The following CEBPZOS variants were observed in gnomAD, a reference collection of about 807,000 sequenced individuals.
The protein encoded by CEBPZOS is protein CEBPZOS.
In CEBPZOS, 10 loss-of-function variants were observed where a neutral mutation model predicts 4.8. The ratio of observed to expected loss-of-function variants is 2.07; its 90% CI spans 1.28 to 3.52. CEBPZOS has a LOEUF of 3.52. Among genes scored for constraint, CEBPZOS ranks in the 30% most tolerant of loss-of-function variants. CEBPZOS has a pLI of 0.00. For synonymous variants in CEBPZOS, 25 were observed against 14.2 expected, an observed-to-expected ratio of 1.77 and a Z score of -1.72; for missense variants, 98 against 43.6, an observed-to-expected ratio of 2.25 and a Z score of -3.51.
chr2:37,197,076 G>C (rs192776024), intron 1 of CEBPZOS, among the ~76,000 whole-genome samples: 1 of 152,278 alleles, frequency 6.6e-6, no homozygotes, highest in East Asian at 1.9e-4. Context: ...TCTCAGCCCC[G>C]TGTGATGTTA....
chr2:37,199,295 G>T (rs1677095813), intron 1 of CEBPZOS, among the ~76,000 whole-genome samples: 1 of 152,152 alleles, frequency 6.6e-6, no homozygotes, highest in South Asian at 2.1e-4. Flanking sequence ...ACTTGAGAAA[G>T]ATCTTACTTT....
chr2:37,202,846 T>C lies in CEBPZOS; in HGVS notation c.*986T>C. 6.2e-7 allele frequency: 1 copy of C among 1,602,572 alleles called. No individual in the cohort carries two copies. Among genetic ancestry groups the C allele is most frequent in the South Asian group, 1.1e-5 (1 of 88,582 alleles). On this transcript the variant is annotated 3_prime_UTR_variant, in exon 5 of 5. Coordinates refer to ENST00000402297, the MANE Select transcript of CEBPZOS (RefSeq NM_001322374.2). ...GTTATCAAACTTGGATCCCATATTT[T>C]CATCCAATAGATGGCCAAACTTTTA...
chr2:37,199,913 T>C, intron 2 of CEBPZOS, 94 bp downstream of exon 2: 2 of 642,528 alleles, frequency 3.1e-6, no homozygotes, highest in Non-Finnish European at 5.7e-6. Flanking sequence ...TTGGAGAAAT[T>C]GGTTCTTCAG....
At chr2:37,212,649 G>A (rs1332061659) in intron 4 of CEBPZOS, 1 of 486,858 alleles carries the variant, frequency 2.1e-6, no homozygotes, top group African/African-American at 2.0e-5. Context: ...ATGGAAAGAG[G>A]ATAAATATCA....
At position 37,202,292 on chromosome 2, in the gene CEBPZOS, T is replaced by C. The variant is rs1198401488; in HGVS notation, c.*432T>C. On this transcript the variant is annotated 3_prime_UTR_variant, in exon 5 of 5. Coordinates refer to ENST00000402297, the MANE Select transcript of CEBPZOS (RefSeq NM_001322374.2). ...TACTTGTTAATCTTACATGTTCTCC[T>C]GAGAGAAGAAAAAGCCATTCCTTTC... 1 of 161,412 alleles carries C rather than the reference T, an allele frequency of 6.2e-6. No homozygotes were observed. The highest frequency in any genetic ancestry group is 1.3e-5 in the Non-Finnish European group (1 of 74,982). The allele number at this position is 161,412 out of a possible 1,614,324, so 10.0% of individuals were successfully genotyped here. A position where few individuals can be genotyped will look rare whatever the true frequency, so the allele number is the denominator to read the frequency against.
intron 4 of CEBPZOS, chr2:37,211,977 C>T: frequency 2.5e-6 from 4 of 1,613,310 alleles, no homozygotes; most frequent in Non-Finnish European, 3.4e-6. Context: ...TTCATCATCA[C>T]TACCTTCTGA....
In CEBPZOS at chr2:37,201,314, A is replaced by G. The variant is rs1369320978; in HGVS notation, c.160+222A>G. On this transcript the variant is annotated intron_variant, in intron 3 of 4. Transcript: ENST00000402297. ...AAGAATGTAAACTCTGGAATCATTCATATATGAGGTGATAGAATCAAACCA... is the reference window on the plus strand; with the variant it reads ...AAGAATGTAAACTCTGGAATCATTCGTATATGAGGTGATAGAATCAAACCA... 1.3e-5 allele frequency: 7 copies of G among 524,002 alleles called. No homozygotes were observed. In the African/African-American group the frequency reaches 1.4e-4, roughly 10 times the overall value. The allele number at this position is 524,002 out of a possible 1,614,324, so 32.5% of individuals were successfully genotyped here.
At chr2:37,201,582 C>T (rs1227733109) in intron 3 of CEBPZOS, 60 bp from the exon 4 acceptor site, 3 of 656,992 alleles carry the variant, frequency 4.6e-6, no homozygotes, top group Middle Eastern at 3.6e-4. Flanking sequence ...TTTTTCAATA[C>T]ATTTAATTTT....
At chr2:37,211,543 C>G (rs1051208039) in intron 4 of CEBPZOS, 1 of 302,288 alleles carries the variant, frequency 3.3e-6, no homozygotes, top group Non-Finnish European at 6.1e-6. Context: ...CTTTTATAAA[C>G]TGCTAATTAC....
downstream of CEBPZOS, among the ~76,000 whole-genome samples, chr2:37,206,117 AAAAC>A (rs925790084): frequency 4.6e-5 from 7 of 152,224 alleles, no homozygotes; most frequent in African/African-American, 1.7e-4. Flanking sequence ...TGGAGAGAAC[AAAAC>A]AAAGAGGCAA....
intron 4 of CEBPZOS, chr2:37,211,662 T>C (rs1180780102): frequency 3.8e-6 from 2 of 526,680 alleles, no homozygotes; most frequent in Non-Finnish European, 6.5e-6. Flanking sequence ...AAAACACACA[T>C]AACACACAAT....
intron 4 of CEBPZOS, among the ~76,000 whole-genome samples, chr2:37,212,896 G>A (rs1677771562): frequency 1.4e-5 from 2 of 148,014 alleles, no homozygotes; most frequent in African/African-American, 2.5e-5. Flanking sequence ...AAAACGAGCC[G>A]GACATCATGG....
At chr2:37,215,426 C>T (rs186747315), downstream of CEBPZOS, 1 of 152,342 alleles carries the variant, frequency 6.6e-6, no homozygotes, top group Non-Finnish European at 1.5e-5. Context: ...TAAGGAACTA[C>T]AAGAAATCAG....
At chr2:37,213,641 T>A in exon 5 of CEBPZOS, 2 of 411,530 alleles carry the variant, frequency 4.9e-6, no homozygotes, top group Non-Finnish European at 8.7e-6. Flanking sequence ...CTCGAACTCC[T>A]GACCTCAAAC....
At chr2:37,211,553 C>T in intron 4 of CEBPZOS, 1 of 319,834 alleles carries the variant, frequency 3.1e-6, no homozygotes, top group Non-Finnish European at 5.7e-6. Flanking sequence ...CTGCTAATTA[C>T]TATCAAAAAA....
At position 37,201,989 on chromosome 2, in the gene CEBPZOS, C is replaced by A; in HGVS notation, c.*129C>A. On this transcript the variant is annotated 3_prime_UTR_variant, in exon 5 of 5. Transcript: ENST00000402297. ...AGAACATGCTGCTGAGTCACAGGAA[C>A]TTCTAGCCTGCCTTGGCCTGTGGTT... 7.6e-7 allele frequency: 1 copy of A among 1,318,808 alleles called. No homozygotes were observed. Among genetic ancestry groups the A allele is most frequent in the Non-Finnish European group, 1.0e-6 (1 of 956,324 alleles). The allele number at this position is 1,318,808 out of a possible 1,614,324, so 81.7% of individuals were successfully genotyped here.
At chr2:37,211,004 A>C in intron 4 of CEBPZOS, 1 of 1,607,912 alleles carries the variant, frequency 6.2e-7, no homozygotes, top group Non-Finnish European at 8.5e-7. Flanking sequence ...CTTACCTTGA[A>C]ATGAGCCAGC....
chr2:37,211,723 G>T, intron 4 of CEBPZOS: 1 of 689,160 alleles, frequency 1.5e-6, no homozygotes, highest in African/African-American at 1.8e-5. Context: ...TTAAGTTTCT[G>T]GCTGACATGA....
At chr2:37,213,809 G>C, downstream of CEBPZOS, 1 of 1,167,412 alleles carries the variant, frequency 8.6e-7, no homozygotes, top group Non-Finnish European at 1.2e-6. Context: ...ATGTTCCATG[G>C]TCTATTAACA....
Sources: gnomAD v4.1 joint callset for allele counts (sites outside exome capture counted in the v4.1 genomes callset) on GRCh38, gnomAD v4.1.1 for gene constraint, MANE v1.5 for transcripts, NCBI Gene and HGNC (gene_info 2026-07-23, HGNC 2026-07-21) for gene names.